Variants in THRB observed in about 807,000 individuals in gnomAD.
THRB encodes the protein nuclear receptor subfamily 1 group A member 2.
THRB carries 12 observed loss-of-function variants against 47.8 expected under a neutral mutation model. The observed-to-expected ratio is 0.25, with a 90% CI of 0.16 to 0.41. The LOEUF is 0.41. Ranked by LOEUF, THRB falls within the 10% of genes least tolerant of loss-of-function variation. The pLI, the probability that THRB is intolerant of heterozygous loss-of-function variation, is 1.00. For synonymous variants in THRB, 218 were observed against 212.2 expected (o/e 1.03, Z -0.24); for missense variants, 348 against 589.2 (o/e 0.59, Z 4.24).
chr3:24,478,326 C>T (rs1342550036), intron 1 of THRB, among the ~76,000 whole-genome samples: 2 of 152,158 alleles, frequency 1.3e-5, no homozygotes, highest in Non-Finnish European at 2.9e-5. Context: ...TTGTTCACTA[C>T]TGTACCCAAG....
In THRB at chr3:24,333,997, C is replaced by T. The variant is rs772900622; in HGVS notation, c.-189+3303G>A. Among the ~76,000 whole-genome samples, 5 of 152,308 alleles carry T rather than the reference C, an allele frequency of 3.3e-5. No individual in the cohort carries two copies. In the East Asian group the frequency reaches 5.8e-4, roughly 18 times the overall value. ...CCATTTCGCTCATCAGGCTCTAAAA[C>T]GCAGAATTGGCCCCTGGGTCCCATC... On this transcript the variant is annotated intron_variant, in intron 2 of 10. Transcript: ENST00000646209.
intron 1 of THRB, among the ~76,000 whole-genome samples, chr3:24,353,777 TG>T (rs2063503392): frequency 6.6e-6 from 1 of 152,180 alleles, no homozygotes; most frequent in African/African-American, 2.4e-5. Context: ...AAAATAGGTT[TG>T]TTTTTTATCT....
At chr3:24,202,012 G>T (rs2044652451) in intron 4 of THRB, among the ~76,000 whole-genome samples, 1 of 152,174 alleles carries the variant, frequency 6.6e-6, no homozygotes, top group African/African-American at 2.4e-5. Context: ...GCACAGAGAG[G>T]TTAAACAACT....
intron 4 of THRB, among the ~76,000 whole-genome samples, chr3:24,201,472 A>C (rs568624996): frequency 1.3e-5 from 2 of 152,336 alleles, no homozygotes; most frequent in South Asian, 4.1e-4. Context: ...GGTGAATCAC[A>C]ATCTGCATTT....
At chr3:24,137,361 T>C (rs1287665629) in intron 8 of THRB, among the ~76,000 whole-genome samples, 2 of 152,140 alleles carry the variant, frequency 1.3e-5, no homozygotes, top group African/African-American at 2.4e-5. Flanking sequence ...GGACCTTGCA[T>C]TGTAGTGAGG....
rs185686776 is a variant in THRB, at chr3:24,317,691, A to G, written c.-189+19609T>C. On this transcript the variant is annotated intron_variant, in intron 2 of 10. Coordinates refer to ENST00000646209, the MANE Select transcript of THRB (RefSeq NM_001354712.2). ...CAATTCAATTCTTAGACTACCATAT[A>G]TGGGAAAATTCACATTGGTTCTAAA... 7.2e-5 allele frequency among the ~76,000 whole-genome samples: 11 copies of G among 152,350 alleles called. 1 individual carries two copies. The highest frequency in any genetic ancestry group is 4.1e-4 in the South Asian group (2 of 4,828).
intron 2 of THRB, among the ~76,000 whole-genome samples, chr3:24,304,152 A>G (rs567202094): frequency 2.0e-5 from 3 of 152,258 alleles, no homozygotes; most frequent in Admixed American, 6.5e-5. Flanking sequence ...CCCAAATACA[A>G]GAAAGGACAT....
intron 1 of THRB, among the ~76,000 whole-genome samples, chr3:24,447,691 G>A (rs1317879290): frequency 6.6e-6 from 1 of 152,014 alleles, no homozygotes; most frequent in East Asian, 1.9e-4. Context: ...AGGGGAAGGG[G>A]TGAGTAGACA....
At chr3:24,286,191 G>T (rs2055275178) in intron 3 of THRB, among the ~76,000 whole-genome samples, 1 of 152,132 alleles carries the variant, frequency 6.6e-6, no homozygotes, top group South Asian at 2.1e-4. Context: ...ACAAATGTTT[G>T]GTGTATAAGC....
intron 1 of THRB, among the ~76,000 whole-genome samples, chr3:24,399,799 T>A (rs2150067490): frequency 6.6e-6 from 1 of 152,148 alleles, no homozygotes; most frequent in African/African-American, 2.4e-5. Context: ...CAGAACCATA[T>A]CCCAGGTGTG....
intron 3 of THRB, among the ~76,000 whole-genome samples, chr3:24,263,183 C>T (rs572272883): frequency 6.6e-6 from 1 of 152,212 alleles, no homozygotes; most frequent in African/African-American, 2.4e-5. Context: ...TCTTCCAATC[C>T]CACCTTGCCT....
At chr3:24,134,153 C>T (rs1225454421) in intron 8 of THRB, among the ~76,000 whole-genome samples, 4 of 152,152 alleles carry the variant, frequency 2.6e-5, no homozygotes, top group Non-Finnish European at 4.4e-5. Flanking sequence ...TTGCTCAAAG[C>T]GTAGTGCAGC....
At chr3:24,299,043 C>T (rs556519066) in intron 2 of THRB, among the ~76,000 whole-genome samples, 1 of 151,484 alleles carries the variant, frequency 6.6e-6, no homozygotes, top group Non-Finnish European at 1.5e-5. Flanking sequence ...GTCAGGAGAT[C>T]GAGACCATCC....
chr3:24,481,837 TAAAA>T (rs35810270), intron 1 of THRB, among the ~76,000 whole-genome samples: 31 of 118,962 alleles, frequency 2.6e-4, no homozygotes, highest in South Asian at 2.4e-3. Flanking sequence ...ATATGGACCA[TAAAA>T]AAAAAAAAAA....
At chr3:24,278,529 T>G (rs1363739850) in intron 3 of THRB, among the ~76,000 whole-genome samples, 1 of 152,192 alleles carries the variant, frequency 6.6e-6, no homozygotes, top group Non-Finnish European at 1.5e-5. Context: ...AATATTATCA[T>G]TTATACAAAA....
chr3:24,378,777 ACT>A (rs2065479124), intron 1 of THRB, among the ~76,000 whole-genome samples: 1 of 152,174 alleles, frequency 6.6e-6, no homozygotes, highest in South Asian at 2.1e-4. Flanking sequence ...ATTCTAGGAA[ACT>A]AACTTTATTA....
At chr3:24,212,246 A>T (rs1381728374) in intron 4 of THRB, among the ~76,000 whole-genome samples, 2 of 152,092 alleles carry the variant, frequency 1.3e-5, no homozygotes, top group Non-Finnish European at 2.9e-5. Flanking sequence ...AAAATACAAA[A>T]AATTAGCTAG....
chr3:24,234,796 C>A (rs139305588), intron 3 of THRB, among the ~76,000 whole-genome samples: 56 of 152,260 alleles, frequency 3.7e-4, no homozygotes, highest in Non-Finnish European at 7.1e-4. Context: ...TTTTTTTCCA[C>A]GCCAGGGATG....
chr3:24,245,900 G>A (rs748948891), intron 3 of THRB, among the ~76,000 whole-genome samples: 17 of 151,368 alleles, frequency 1.1e-4, no homozygotes, highest in Non-Finnish European at 1.6e-4. Context: ...GCAACAGAGC[G>A]AGACTCTGTC....
Sources: allele counts gnomAD v4.1 joint callset (sites outside exome capture counted in the v4.1 genomes callset), GRCh38; gene constraint gnomAD v4.1.1; transcripts MANE v1.5; gene names NCBI Gene and HGNC (gene_info 2026-07-23, HGNC 2026-07-21).